Variants in GAB1 observed in about 807,000 individuals in gnomAD.
The protein encoded by GAB1 is GRB2 associated binding protein 1.
GAB1 carries 19 observed loss-of-function variants against 66.5 expected under a neutral mutation model. The observed-to-expected ratio is 0.29, with a 90% CI of 0.20 to 0.42. The LOEUF (loss-of-function observed/expected upper bound fraction) is 0.42, where lower values mean the gene tolerates loss of function less well. Among genes scored for constraint, GAB1 ranks in the 10% least tolerant of loss-of-function variants. GAB1 has a pLI of 1.00. For synonymous variants in GAB1, 294 were observed against 301.4 expected (o/e 0.98, Z 0.25); for missense variants, 732 against 858.5 (o/e 0.85, Z 1.84).
intron 1 of GAB1, among the ~76,000 whole-genome samples, chr4:143,353,005 G>T (rs1213786157): frequency 6.6e-6 from 1 of 152,146 alleles, no homozygotes; most frequent in East Asian, 1.9e-4. Context: ...CTGTCGCCAA[G>T]AAACTCAAAA....
intron 1 of GAB1, among the ~76,000 whole-genome samples, chr4:143,341,155 T>C (rs1560708505): frequency 6.6e-6 from 1 of 152,242 alleles, no homozygotes. Flanking sequence ...GGGTTGCTAC[T>C]GTGGTGTTGC....
At chr4:143,371,234 C>T (rs1018529590) in intron 1 of GAB1, among the ~76,000 whole-genome samples, 65 of 151,890 alleles carry the variant, frequency 4.3e-4, no homozygotes, top group East Asian at 1.9e-3. Flanking sequence ...TTTTAATGAT[C>T]GCCATTCTAA....
At chr4:143,450,987 A>T in intron 6 of GAB1, among the ~76,000 whole-genome samples, 1 of 152,202 alleles carries the variant, frequency 6.6e-6, no homozygotes, top group East Asian at 1.9e-4. Context: ...ACACAGATTT[A>T]AGCACCTATC....
At chr4:143,391,741 A>T (rs1731198243) in intron 1 of GAB1, 1 of 152,234 alleles carries the variant, frequency 6.6e-6, no homozygotes, top group Admixed American at 6.5e-5. Context: ...ACTGTTGCCA[A>T]AGAAAAAACA....
intron 6 of GAB1, among the ~76,000 whole-genome samples, chr4:143,455,465 C>A (rs1032138287): frequency 3.3e-5 from 5 of 152,202 alleles, no homozygotes; most frequent in Non-Finnish European, 7.4e-5. Flanking sequence ...CTGAGAAATG[C>A]AAAGAGTGAC....
chr4:143,421,649 A>G (rs1408893244), intron 2 of GAB1, among the ~76,000 whole-genome samples: 2 of 148,686 alleles, frequency 1.3e-5, no homozygotes, highest in Non-Finnish European at 3.0e-5. Flanking sequence ...ATTCAACCAG[A>G]GAGTTTTTAG....
In GAB1 at chr4:143,345,260, A is replaced by T. The variant is rs949100147; in HGVS notation, c.72+8000A>T. ...TTTTATATATTAGAAAGAATGCCAA[A>T]TTTACCAAGTGCTTTTCTGATGGTG... On this transcript the variant is annotated intron_variant, in intron 1 of 9. Coordinates refer to ENST00000262994, the MANE Select transcript of GAB1 (RefSeq NM_002039.4). 4.6e-5 allele frequency among the ~76,000 whole-genome samples: 7 copies of T among 152,140 alleles called. No homozygotes were observed. The East Asian group carries it at 1.3e-3, about 29-fold the overall frequency.
intron 1 of GAB1, among the ~76,000 whole-genome samples, chr4:143,384,277 A>T (rs777348464): frequency 6.6e-6 from 1 of 152,226 alleles, no homozygotes; most frequent in Non-Finnish European, 1.5e-5. Context: ...AGCAATGACT[A>T]GTTATAATAA....
intron 1 of GAB1, among the ~76,000 whole-genome samples, chr4:143,368,266 G>A (rs1253467963): frequency 6.6e-6 from 1 of 151,838 alleles, no homozygotes; most frequent in African/African-American, 2.4e-5. Flanking sequence ...AAAGATCAGA[G>A]AAAGGGAGCC....
chr4:143,448,370 C>A (rs1734688692), intron 6 of GAB1, among the ~76,000 whole-genome samples: 1 of 151,834 alleles, frequency 6.6e-6, no homozygotes. Flanking sequence ...GGAATGGTAC[C>A]AGTTCTTCCT....
intron 2 of GAB1, chr4:143,425,650 T>C (rs1733312312): frequency 1.3e-6 from 1 of 760,960 alleles, no homozygotes; most frequent in Non-Finnish European, 2.4e-6. Context: ...GAACTCTACT[T>C]CTACAGAGAT....
intron 2 of GAB1, among the ~76,000 whole-genome samples, chr4:143,422,435 T>C (rs1009808697): frequency 4.6e-5 from 7 of 152,300 alleles, no homozygotes; most frequent in African/African-American, 1.7e-4. Context: ...TTTATTATTA[T>C]ATGCTCAGAT....
rs1438929363 is a variant in GAB1, at chr4:143,460,506, T to C, written c.1803+19T>C. On this transcript the variant is annotated intron_variant, in intron 8 of 9. Transcript: ENST00000262994. The stretch of plus-strand genomic sequence containing the variant: ...AGACCCAGTATGTAAAGTTTTAACT[T>C]TTCCCTTTCTGAGCAGCCCTTTTCA... The C allele has an allele frequency of 2.5e-6, 4 of 1,611,942 alleles. No individual in the cohort carries two copies. The highest frequency in any genetic ancestry group is 3.4e-6 in the Non-Finnish European group (4 of 1,178,884).
chr4:143,448,927 A>C (rs1288409069), intron 6 of GAB1, among the ~76,000 whole-genome samples: 4 of 152,050 alleles, frequency 2.6e-5, no homozygotes, highest in Admixed American at 2.0e-4. Flanking sequence ...GTAGGCATTT[A>C]GTGCTATAAA....
intron 8 of GAB1, chr4:143,465,892 T>G: frequency 2.5e-6 from 1 of 399,480 alleles, no homozygotes; most frequent in Non-Finnish European, 4.5e-6. Context: ...GAACCAAGTT[T>G]AACTTTTGAA....
intron 9 of GAB1, among the ~76,000 whole-genome samples, chr4:143,468,663 C>T (rs1344246879): frequency 1.3e-5 from 2 of 151,786 alleles, no homozygotes; most frequent in African/African-American, 2.4e-5. Flanking sequence ...TGGTGGCTCA[C>T]GCCTGTAATC....
chr4:143,347,975 T>G (rs1192735872), intron 1 of GAB1, among the ~76,000 whole-genome samples: 4 of 152,210 alleles, frequency 2.6e-5, no homozygotes, highest in Admixed American at 2.0e-4. Flanking sequence ...TCCATCACCC[T>G]TATTTAAACA....
rs774530657 is a variant in GAB1, at chr4:143,439,626, C to T, written c.1196-176C>T. 3 of 571,244 alleles carry T rather than the reference C, an allele frequency of 5.3e-6. No homozygotes were observed. In the African/African-American group the frequency reaches 5.6e-5, roughly 11 times the overall value. The allele number at this position is 571,244 out of a possible 1,614,324, so 35.4% of individuals were successfully genotyped here. On this transcript the variant is annotated intron_variant, in intron 4 of 9. Transcript: ENST00000262994. ...GCATATGAGTGAGTGTCTGCATTTT[C>T]TAGTGGTTTAATATGCCAATTCAAG...
intron 5 of GAB1, 83 bp downstream of exon 5, chr4:143,439,970 C>A (rs1734134367): frequency 1.7e-5 from 24 of 1,401,340 alleles, no homozygotes; most frequent in Non-Finnish European, 2.2e-5. Flanking sequence ...TAAGTGATAT[C>A]ATGAAATAAA....
Sources: gnomAD v4.1 joint callset for allele counts (sites outside exome capture counted in the v4.1 genomes callset) on GRCh38, gnomAD v4.1.1 for gene constraint, MANE v1.5 for transcripts, NCBI Gene and HGNC (gene_info 2026-07-23, HGNC 2026-07-21) for gene names.